Variants in SLC24A4 observed in about 807,000 individuals in gnomAD.
SLC24A4 encodes the protein solute carrier family 24 member 4.
A neutral mutation model predicts 79.0 loss-of-function variants in SLC24A4; 53 were observed. The ratio of observed to expected loss-of-function variants is 0.67; its 90% CI spans 0.54 to 0.84. The LOEUF is 0.84. SLC24A4 is among the 40% of genes least tolerant of loss of function. The probability of loss-of-function intolerance (pLI) is 0.00; values close to 1 mark genes in which losing one functional copy is unlikely to be tolerated. For synonymous variants in SLC24A4, 323 were observed against 323.8 expected, an observed-to-expected ratio of 1.00 and a Z score of 0.03; for missense variants, 731 against 822.0, an observed-to-expected ratio of 0.89 and a Z score of 1.35.
intron 15 of SLC24A4, 52 bp from the exon 16 acceptor site, chr14:92,492,123 G>GC: frequency 6.5e-7 from 1 of 1,542,440 alleles, no homozygotes; most frequent in Non-Finnish European, 8.9e-7. Context: ...TTTCTGGATG[G>GC]ATTGGCTCTG....
intron 2 of SLC24A4, among the ~76,000 whole-genome samples, chr14:92,333,475 A>T (rs1005090093): frequency 6.6e-6 from 1 of 152,086 alleles, no homozygotes; most frequent in African/African-American, 2.4e-5. Flanking sequence ...CCTGTGCCCC[A>T]TGTTAAAAAA....
chr14:92,357,517 A>G (rs1887246383), intron 2 of SLC24A4, among the ~76,000 whole-genome samples: 1 of 152,208 alleles, frequency 6.6e-6, no homozygotes, highest in Non-Finnish European at 1.5e-5. Context: ...AGCCTGAAAA[A>G]GGAAGGAAAT....
At chr14:92,354,038 A>G (rs903115215) in intron 2 of SLC24A4, among the ~76,000 whole-genome samples, 4 of 152,230 alleles carry the variant, frequency 2.6e-5, no homozygotes, top group Non-Finnish European at 4.4e-5. Flanking sequence ...GGGTGGCCAA[A>G]GAGAACTGCC....
At chr14:92,486,596 A>G (rs1469256817) in intron 13 of SLC24A4, 70 bp from the exon 14 acceptor site, 35 of 950,062 alleles carry the variant, frequency 3.7e-5, no homozygotes, top group Non-Finnish European at 5.8e-5. Context: ...AGTGTCTCTA[A>G]TACTAGGAAT....
chr14:92,375,058 G>C (rs944348464), intron 2 of SLC24A4, among the ~76,000 whole-genome samples: 1 of 152,184 alleles, frequency 6.6e-6, no homozygotes, highest in Non-Finnish European at 1.5e-5. Context: ...AGCAAGACCA[G>C]AGAAACATGA....
chr14:92,437,617 T>C (rs1446467382), intron 3 of SLC24A4, among the ~76,000 whole-genome samples: 1 of 152,256 alleles, frequency 6.6e-6, no homozygotes, highest in East Asian at 1.9e-4. Context: ...CTGGGTTCTT[T>C]ACTCCATGAA....
At chr14:92,446,650 G>A (rs181898220) in intron 8 of SLC24A4, among the ~76,000 whole-genome samples, 3 of 152,318 alleles carry the variant, frequency 2.0e-5, no homozygotes, top group Admixed American at 2.0e-4. Context: ...ATGATCTGGA[G>A]GTTAGCAAAG....
chr14:92,417,352 A>G (rs954786027), intron 2 of SLC24A4, among the ~76,000 whole-genome samples: 2 of 147,674 alleles, frequency 1.4e-5, no homozygotes, highest in Non-Finnish European at 2.9e-5. Flanking sequence ...CATTTAAAAA[A>G]GAAAAATAGC....
Position 92,442,810 on chromosome 14 carries a change from T to C in SLC24A4, c.576T>C (p.Ala192=). 3 of 1,613,938 alleles carry C rather than the reference T, an allele frequency of 1.9e-6. No homozygotes were observed. Among genetic ancestry groups the C allele is most frequent in the Non-Finnish European group, 2.5e-6 (3 of 1,179,818 alleles). ...LCIIGVCGLF[A]GQVVRLTWWA... ...TAATTGGAGTGTGCGGACTGTTTGC[T>C]GGCCAGGTCAGTGGTTTCTCCCTGG... Residue 192 remains alanine (A), a synonymous_variant, in exon 6 of 17, where the codon GCT becomes GCC. Transcript: ENST00000532405.
chr14:92,460,392 T>G (rs1893732007), intron 12 of SLC24A4, among the ~76,000 whole-genome samples: 1 of 152,186 alleles, frequency 6.6e-6, no homozygotes, highest in Admixed American at 6.5e-5. Context: ...CAAATGTTAG[T>G]GTGAATCCTA....
intron 12 of SLC24A4, among the ~76,000 whole-genome samples, chr14:92,461,645 T>C (rs1893815835): frequency 6.6e-6 from 1 of 152,158 alleles, no homozygotes; most frequent in Non-Finnish European, 1.5e-5. Flanking sequence ...CTTAATTACC[T>C]CCTAAAAGCT....
intron 12 of SLC24A4, among the ~76,000 whole-genome samples, chr14:92,465,656 C>T (rs1327181585): frequency 6.6e-6 from 1 of 152,132 alleles, no homozygotes; most frequent in Non-Finnish European, 1.5e-5. Context: ...GCTGCTTCAG[C>T]GAGGAAGCAT....
chr14:92,406,009 T>TA (rs1052642704), intron 2 of SLC24A4, among the ~76,000 whole-genome samples: 2 of 152,126 alleles, frequency 1.3e-5, no homozygotes, highest in Admixed American at 6.5e-5. Flanking sequence ...GCCTGTAAAA[T>TA]AAAAAACAAG....
At chr14:92,362,064 G>A (rs924875792) in intron 2 of SLC24A4, among the ~76,000 whole-genome samples, 5 of 152,166 alleles carry the variant, frequency 3.3e-5, no homozygotes, top group African/African-American at 1.2e-4. Flanking sequence ...GCACAGGGAG[G>A]TCAGAATAGG....
chr14:92,464,430 C>T (rs139898327), intron 12 of SLC24A4, among the ~76,000 whole-genome samples: 40 of 152,300 alleles, frequency 2.6e-4, no homozygotes, highest in African/African-American at 8.7e-4. Flanking sequence ...GACCACGTGT[C>T]AGGGTCCTGA....
At position 92,499,060 on chromosome 14, in the gene SLC24A4, G is replaced by GT. The variant is rs1195722823; in HGVS notation, c.*5436dup. The stretch of plus-strand genomic sequence containing the variant: ...TTAGGGCTTTGGTTATTTTATGGGG[G>GT]TTTTAAACCTCCTAACTTTTCAATG... On this transcript the variant is annotated 3_prime_UTR_variant, in exon 17 of 17. Transcript: ENST00000532405. 1 of 152,170 alleles carries GT rather than the reference G, an allele frequency of 6.6e-6. No individual in the cohort carries two copies. Among genetic ancestry groups the GT allele is most frequent in the African/African-American group, 2.4e-5 (1 of 41,434 alleles). The allele number at this position is 152,170 out of a possible 1,614,324, so 9.4% of individuals were successfully genotyped here. A position where few individuals can be genotyped will look rare whatever the true frequency, so the allele number is the denominator to read the frequency against.
At chr14:92,381,235 G>A (rs1207595759) in intron 2 of SLC24A4, among the ~76,000 whole-genome samples, 2 of 152,178 alleles carry the variant, frequency 1.3e-5, no homozygotes, top group Non-Finnish European at 2.9e-5. Flanking sequence ...TATACACCAT[G>A]GAATACTATG....
At chr14:92,407,635 G>GGA (rs138849786) in intron 2 of SLC24A4, among the ~76,000 whole-genome samples, 126 of 150,964 alleles carry the variant, frequency 8.3e-4, no homozygotes, top group African/African-American at 2.7e-3. Flanking sequence ...TGGTGGAGCA[G>GGA]GAGAGAGAGA....
At chr14:92,408,724 C>A (rs1280329640) in intron 2 of SLC24A4, among the ~76,000 whole-genome samples, 1 of 152,024 alleles carries the variant, frequency 6.6e-6, no homozygotes, top group East Asian at 1.9e-4. Context: ...TTTTTTATTT[C>A]TCTACTGGAG....
Sources: gnomAD v4.1 joint callset for allele counts (sites outside exome capture counted in the v4.1 genomes callset) on GRCh38, gnomAD v4.1.1 for gene constraint, MANE v1.5 for transcripts, NCBI Gene and HGNC (gene_info 2026-07-23, HGNC 2026-07-21) for gene names.